SULF2: variants seen among roughly 807,000 people sequenced by gnomAD.
SULF2 encodes sulfatase 2, also known as extracellular sulfatase Sulf-2.
SULF2 carries 52 observed loss-of-function variants against 107.7 expected under a neutral mutation model. The observed-to-expected ratio is 0.48, with a 90% confidence interval of 0.39 to 0.61. The LOEUF is 0.61. Ranked by LOEUF, SULF2 falls within the 20% of genes least tolerant of loss-of-function variation. The pLI, the probability that SULF2 is intolerant of heterozygous loss-of-function variation, is 0.00. For synonymous variants in SULF2, 460 were observed against 464.3 expected (o/e 0.99, Z 0.12); for missense variants, 993 against 1,177.3 (o/e 0.84, Z 2.29).
chr20:47,737,313 C>T (rs2089758965), intron 2 of SULF2, among the ~76,000 whole-genome samples: 1 of 151,340 alleles, frequency 6.6e-6, no homozygotes, highest in South Asian at 2.1e-4. Context: ...AACTGTTTTA[C>T]AAATTTTAAA....
At chr20:47,740,318 C>T (rs1315972260) in intron 2 of SULF2, among the ~76,000 whole-genome samples, 1 of 152,202 alleles carries the variant, frequency 6.6e-6, no homozygotes, top group East Asian at 1.9e-4. Flanking sequence ...CAAAATGTCA[C>T]AGTCACACGG....
At chr20:47,743,598 C>T (rs1057199078) in intron 2 of SULF2, among the ~76,000 whole-genome samples, 1 of 152,194 alleles carries the variant, frequency 6.6e-6, no homozygotes, top group Non-Finnish European at 1.5e-5. Context: ...GCATGAGCCA[C>T]CATGCCTGCC....
chr20:47,663,194 C>G lies in SULF2; in HGVS notation c.2246G>C (p.Cys749Ser). 6.2e-7 allele frequency: 1 copy of G among 1,614,156 alleles called. No individual in the cohort carries two copies. The highest frequency in any genetic ancestry group is 8.5e-7 in the Non-Finnish European group (1 of 1,180,032). ...GTACGTGTTATTGTTGGCGCTGGTG[C>G]AGGCACAGAAAGGCCCCACTGCCAA... ...PFWTLGPFCA[C>S]TSANNNTYWC... Residue 749 changes from cysteine to serine, a missense_variant, in exon 17 of 21, where the codon TGC (cysteine) becomes TCC (serine). By Grantham distance (112) the Cys-to-Ser change is moderately radical. Coordinates refer to ENST00000688720, the MANE Select transcript of SULF2 (RefSeq NM_001387048.1).
chr20:47,759,746 CA>C (rs2090377039), intron 1 of SULF2, among the ~76,000 whole-genome samples: 1 of 152,220 alleles, frequency 6.6e-6, no homozygotes, highest in Admixed American at 6.5e-5. Context: ...CTCTTTCTGT[CA>C]AAAGAACAAA....
At chr20:47,671,204 C>T (rs1314230911) in intron 11 of SULF2, among the ~76,000 whole-genome samples, 1 of 152,256 alleles carries the variant, frequency 6.6e-6, no homozygotes, top group Non-Finnish European at 1.5e-5. Context: ...CTGTCCTCTC[C>T]TCGGCCCTTG....
At chr20:47,700,130 A>G (rs1287311638) in intron 4 of SULF2, among the ~76,000 whole-genome samples, 1 of 152,134 alleles carries the variant, frequency 6.6e-6, no homozygotes, top group African/African-American at 2.4e-5. Context: ...GTTCATTTCC[A>G]TATTTCTTTT....
At chr20:47,744,788 G>C (rs767494502) in intron 2 of SULF2, among the ~76,000 whole-genome samples, 1 of 152,126 alleles carries the variant, frequency 6.6e-6, no homozygotes, top group Non-Finnish European at 1.5e-5. Context: ...CTTGAGGAGA[G>C]GGGCATTAAA....
chr20:47,702,571 T>C lies in SULF2; in HGVS notation c.515A>G (p.Tyr172Cys). The C allele has an allele frequency of 6.2e-7, 1 of 1,613,380 alleles. No homozygotes were observed. The highest frequency in any genetic ancestry group is 8.5e-7 in the Non-Finnish European group (1 of 1,180,020). The change falls in exon 4 of 21, where the codon TAC (tyrosine) becomes TGC (cysteine). Residue 172 changes from tyrosine (Y) to cysteine (C), a missense_variant. Physicochemically the swap from Tyr to Cys is radical, Grantham distance 194. This residue lies in a region of SULF2 where 388 missense variants were observed against 449.2 expected (regional missense o/e 0.86). Coordinates refer to ENST00000688720, the MANE Select transcript of SULF2 (RefSeq NM_001387048.1). The part of the protein sequence containing the change: ...GLLKNSRFYN[Y>C]TLCRNGVKEK... ...TTTCACCCCGTTCCGACACAGCGTG[T>C]AGTTATAAAAGCGGGAGTTTTTAAG... is the stretch of plus-strand genomic sequence containing the variant.
intron 4 of SULF2, among the ~76,000 whole-genome samples, chr20:47,697,518 G>A (rs942065643): frequency 1.3e-5 from 2 of 152,164 alleles, no homozygotes; most frequent in African/African-American, 4.8e-5. Flanking sequence ...GAAACCCCGG[G>A]CTCACCCCTG....
intron 9 of SULF2, 26 bp downstream of exon 9, chr20:47,677,052 T>C (rs1300871580): frequency 6.2e-7 from 1 of 1,610,148 alleles, no homozygotes; most frequent in Admixed American, 1.7e-5. Context: ...TGGGCAGGGG[T>C]GTCCCTCCCA....
intron 3 of SULF2, among the ~76,000 whole-genome samples, chr20:47,711,900 C>T (rs1037233485): frequency 6.6e-6 from 1 of 152,012 alleles, no homozygotes; most frequent in African/African-American, 2.4e-5. Flanking sequence ...TATAAAAATA[C>T]ACATATGCAT....
Position 47,736,296 on chromosome 20 carries a change from A to G in SULF2, c.415+407T>C, listed in dbSNP as rs566634053. Reference sequence around the variant, plus strand: ...ACAGCCCCATTATCTGTTCCCCTCCATGAATTCCCATCCCCCACCCCTATG... The same window carrying G: ...ACAGCCCCATTATCTGTTCCCCTCCGTGAATTCCCATCCCCCACCCCTATG... On this transcript the variant is annotated intron_variant, in intron 3 of 20. Transcript: ENST00000688720. 1.5e-4 allele frequency among the ~76,000 whole-genome samples: 23 copies of G among 152,252 alleles called. No individual in the cohort carries two copies. The East Asian group carries it at 4.4e-3, about 29-fold the overall frequency.
chr20:47,678,520 C>A lies in SULF2; in HGVS notation c.1193+156G>T. On this transcript the variant is annotated intron_variant, in intron 8 of 20. Transcript: ENST00000688720. The surrounding 1 kb of genome is among the most constrained non-coding windows in gnomAD (Gnocchi z 4.5). ...GAATCTCGGAGAGGGGACCATGCTT[C>A]TCTCCCACAGCAGGTAAGTGGTTGG... 1.1e-6 allele frequency: 1 copy of A among 942,498 alleles called. No homozygotes were observed. Among genetic ancestry groups the A allele is most frequent in the South Asian group, 1.6e-5 (1 of 61,408 alleles). 58.4% of individuals were successfully genotyped at this position (942,498 alleles called of 1,614,324 possible).
Position 47,663,534 on chromosome 20 carries a change from T to C in SULF2, c.2146A>G (p.Asn716Asp). 6.2e-7 allele frequency: 1 copy of C among 1,613,098 alleles called. No individual in the cohort carries two copies. Among genetic ancestry groups the C allele is most frequent in the South Asian group, 1.1e-5 (1 of 91,082 alleles). ...CCTGGCATGCTGCACGTGTCGTTGT[T>C]CTGCAGGCGCTTGAGCAGCTTGCGG... Reference protein sequence around the residue: ...KLRKLLKRLQNNDTCSMPGLT... With the variant: ...KLRKLLKRLQDNDTCSMPGLT... The change falls in exon 16 of 21, where the codon AAC (asparagine) becomes GAC (aspartate). Residue 716 changes from asparagine (N) to aspartate (D), a missense_variant. Asn to Asp is a conservative substitution (Grantham distance 23). Coordinates refer to ENST00000688720, the MANE Select transcript of SULF2 (RefSeq NM_001387048.1).
At position 47,684,400 on chromosome 20, in the gene SULF2, G is replaced by A. The variant is rs371625599; in HGVS notation, c.888+31C>T. On this transcript the variant is annotated intron_variant, in intron 6 of 20. Transcript: ENST00000688720. Reference sequence around the variant, plus strand: ...GGCCTGGCTGGGGGTTCGGAGCCACGCCCACCAAGAGGCATGCAGCGGGCG... The same window carrying A: ...GGCCTGGCTGGGGGTTCGGAGCCACACCCACCAAGAGGCATGCAGCGGGCG... The A allele has an allele frequency of 5.4e-5, 85 of 1,575,846 alleles. 1 individual carries two copies. In the African/African-American group the frequency reaches 9.7e-4, roughly 18 times the overall value.
Position 47,684,589 on chromosome 20 carries a change from G to GC in SULF2, c.738-9dup. ...TAGTTGTAGCTCGGCGTGCTGGTGG[G>GC]CAAGGACATACACATCGGTCAAACC... On this transcript the variant is annotated splice_polypyrimidine_tract_variant and intron_variant, in intron 5 of 20. Transcript: ENST00000688720. The GC allele has an allele frequency of 6.2e-7, 1 of 1,612,952 alleles. No individual in the cohort carries two copies. The highest frequency in any genetic ancestry group is 8.5e-7 in the Non-Finnish European group (1 of 1,179,378).
chr20:47,752,514 T>C (rs550519458), intron 2 of SULF2, among the ~76,000 whole-genome samples: 6 of 151,328 alleles, frequency 4.0e-5, no homozygotes, highest in African/African-American at 1.5e-4. Flanking sequence ...GCGGATTGTT[T>C]GAGCTCAGGA....
intron 2 of SULF2, among the ~76,000 whole-genome samples, chr20:47,748,638 C>A (rs1243916548): frequency 6.6e-6 from 1 of 152,210 alleles, no homozygotes; most frequent in Non-Finnish European, 1.5e-5. Context: ...GTTCAACAAG[C>A]CCCTTCGCTC....
intron 10 of SULF2, among the ~76,000 whole-genome samples, chr20:47,672,812 C>T (rs1441410122): frequency 6.6e-6 from 1 of 152,204 alleles, no homozygotes; most frequent in Admixed American, 6.5e-5. Context: ...CCCTGGCCTA[C>T]CCATCGGTCC....
Sources: gnomAD v4.1 joint callset for allele counts (sites outside exome capture counted in the v4.1 genomes callset) on GRCh38, gnomAD v4.1.1 for gene constraint, gnomAD v4.1.1 regional missense constraint, Gnocchi (gnomAD v3.1) non-coding constraint, MANE v1.5 for transcripts, NCBI Gene and HGNC (gene_info 2026-07-23, HGNC 2026-07-21) for gene names.